Variants in MEF2A observed in about 807,000 individuals in gnomAD.
MEF2A encodes the protein myocyte-specific enhancer factor 2A.
Under a neutral mutation model 55.8 loss-of-function variants are expected in MEF2A, and 28 were observed. The observed-to-expected ratio is 0.50, with a 90% CI of 0.37 to 0.69. MEF2A has a LOEUF of 0.69. MEF2A is among the 30% of genes least tolerant of loss of function. The pLI is 0.00. For missense variants in MEF2A, 528 were observed against 626.2 expected, an observed-to-expected ratio of 0.84 and a Z score of 1.67; for synonymous variants, 239 against 227.1, an observed-to-expected ratio of 1.05 and a Z score of -0.47.
At chr15:99,707,011 A>G (rs2058112936) in intron 10 of MEF2A, among the ~76,000 whole-genome samples, 156 bp downstream of exon 10, 1 of 152,200 alleles carries the variant, frequency 6.6e-6, no homozygotes, top group South Asian at 2.1e-4. Flanking sequence ...GCTAGCCTTG[A>G]AAAAATTACA....
intron 4 of MEF2A, among the ~76,000 whole-genome samples, chr15:99,667,112 C>T (rs1433902664): frequency 1.3e-5 from 2 of 152,152 alleles, no homozygotes; most frequent in South Asian, 2.1e-4. Flanking sequence ...TAAGTTCTAT[C>T]GAGGGTTACT....
chr15:99,595,682 A>G (rs928003980), intron 1 of MEF2A, among the ~76,000 whole-genome samples: 3 of 152,248 alleles, frequency 2.0e-5, no homozygotes, highest in Non-Finnish European at 4.4e-5. Flanking sequence ...TACTTGTACA[A>G]CTAACTACAA....
chr15:99,667,360 A>G (rs1055892056), intron 4 of MEF2A, among the ~76,000 whole-genome samples: 1 of 152,226 alleles, frequency 6.6e-6, no homozygotes, highest in African/African-American at 2.4e-5. Context: ...AGCTGGGACT[A>G]CAGGTGCCCG....
intron 3 of MEF2A, 129 bp from the exon 4 acceptor site, chr15:99,645,432 G>A: frequency 1.5e-6 from 1 of 673,780 alleles, no homozygotes; most frequent in Non-Finnish European, 2.5e-6. Flanking sequence ...CTCATATGGA[G>A]GACAAAGCTG....
chr15:99,699,687 G>A (rs1295711647), intron 8 of MEF2A, among the ~76,000 whole-genome samples: 4 of 152,160 alleles, frequency 2.6e-5, no homozygotes, highest in African/African-American at 9.7e-5. Context: ...ACTTTTGACT[G>A]GATACTGTAA....
chr15:99,615,557 G>A (rs1457195517), intron 2 of MEF2A, among the ~76,000 whole-genome samples: 1 of 152,118 alleles, frequency 6.6e-6, no homozygotes, highest in Non-Finnish European at 1.5e-5. Context: ...TATTAGTCCA[G>A]TATTTTAAAG....
rs187753830 is a variant in MEF2A, at chr15:99,574,055, T to A, written c.-225+7951T>A. ...TTTAGGGTTGACAGATTTTTTTTTT[T>A]AAATTTATTTCGGAAAAAAATCAAA... On this transcript the variant is annotated intron_variant, in intron 1 of 11. Coordinates refer to ENST00000557942, the MANE Select transcript of MEF2A (RefSeq NM_001319206.4). Among the ~76,000 whole-genome samples the A allele has an allele frequency of 1.3e-3, 191 of 152,250 alleles. 1 individual carries two copies. In the East Asian group the frequency reaches 0.015, roughly 12 times the overall value.
At chr15:99,614,695 TTCC>T (rs1198850006) in intron 2 of MEF2A, among the ~76,000 whole-genome samples, 1 of 152,144 alleles carries the variant, frequency 6.6e-6, no homozygotes, top group African/African-American at 2.4e-5. Flanking sequence ...TAGGGAACAT[TTCC>T]TTGAGGAAAT....
At chr15:99,647,611 G>A (rs1210403117) in intron 4 of MEF2A, among the ~76,000 whole-genome samples, 2 of 152,162 alleles carry the variant, frequency 1.3e-5, no homozygotes, top group Non-Finnish European at 2.9e-5. Context: ...ACAGCAAAGT[G>A]TAAGAGAGCA....
intron 2 of MEF2A, among the ~76,000 whole-genome samples, chr15:99,607,627 T>C (rs1432565576): frequency 6.6e-6 from 1 of 152,222 alleles, no homozygotes; most frequent in Non-Finnish European, 1.5e-5. Context: ...TAGGCATAAG[T>C]ATCTGCATTT....
At chr15:99,616,605 T>C (rs556833187) in intron 2 of MEF2A, among the ~76,000 whole-genome samples, 2 of 152,238 alleles carry the variant, frequency 1.3e-5, no homozygotes, top group East Asian at 3.9e-4. Context: ...TCCTTTGGGA[T>C]CTGGTTTTTG....
At chr15:99,637,319 TA>T (rs2044058648) in intron 3 of MEF2A, among the ~76,000 whole-genome samples, 1 of 152,212 alleles carries the variant, frequency 6.6e-6, no homozygotes, top group Non-Finnish European at 1.5e-5. Flanking sequence ...AACATGTTTG[TA>T]TTTCATTTGG....
rs3138597 is a variant in MEF2A at position 99,712,504 on chromosome 15, CCAG to C, written c.1283_1285del (p.Gln428del). On this transcript the variant is annotated inframe_deletion, in exon 12 of 12. Coordinates refer to ENST00000557942, the MANE Select transcript of MEF2A (RefSeq NM_001319206.4). The surrounding 1 kb of genome is among the most constrained non-coding windows in gnomAD (Gnocchi z 4.1). Reference sequence around the variant, plus strand: ...GGGATCGTATGACCCCATCGGGCTTCCAGCAGCAGCAGCAGCAGCAGCAGCAGC... The same window carrying C: ...GGGATCGTATGACCCCATCGGGCTTCCAGCAGCAGCAGCAGCAGCAGCAGC... 0.14 allele frequency: 214,217 copies of C among 1,481,606 alleles called. 9,671 individuals are homozygous for C. Among genetic ancestry groups the C allele is most frequent in the East Asian group, 0.17 (6,541 of 38,546 alleles). 91.8% of individuals were successfully genotyped at this position (1,481,606 alleles called of 1,614,324 possible).
intron 8 of MEF2A, among the ~76,000 whole-genome samples, chr15:99,691,939 T>C (rs2055557036): frequency 6.6e-6 from 1 of 152,206 alleles, no homozygotes; most frequent in African/African-American, 2.4e-5. Context: ...GGAGAATCTA[T>C]TTATCGCCCT....
At chr15:99,657,149 T>C (rs1288483692) in intron 4 of MEF2A, among the ~76,000 whole-genome samples, 1 of 152,070 alleles carries the variant, frequency 6.6e-6, no homozygotes, top group Non-Finnish European at 1.5e-5. Context: ...TGTGACCAAA[T>C]AGTATTCCAT....
rs137987984 is a variant in MEF2A, at chr15:99,695,023, C to T, written c.858+4595C>T. On this transcript the variant is annotated intron_variant, in intron 8 of 11. Coordinates refer to ENST00000557942, the MANE Select transcript of MEF2A (RefSeq NM_001319206.4). The stretch of plus-strand genomic sequence containing the variant: ...GGGGAGCAGGCGCTTTTTTATTTTC[C>T]GGCACTATAATATATTCTAGGCTTA... Among the ~76,000 whole-genome samples the T allele has an allele frequency of 3.4e-3, 504 of 150,412 alleles. 15 individuals are homozygous for T. Among genetic ancestry groups the T allele is most frequent in the Admixed American group, 0.028 (424 of 15,116 alleles).
chr15:99,591,969 G>A (rs992191038), intron 1 of MEF2A, among the ~76,000 whole-genome samples: 3 of 152,102 alleles, frequency 2.0e-5, no homozygotes, highest in African/African-American at 4.8e-5. Context: ...CCCCCTGGTG[G>A]TGTGGGTCAC....
At chr15:99,694,612 TG>T (rs746171561) in intron 8 of MEF2A, among the ~76,000 whole-genome samples, 2 of 152,220 alleles carry the variant, frequency 1.3e-5, no homozygotes, top group Non-Finnish European at 2.9e-5. Context: ...ACCTGGCTGA[TG>T]TTTAACAGGT....
At chr15:99,598,088 A>G (rs1449787283) in intron 1 of MEF2A, among the ~76,000 whole-genome samples, 3 of 152,246 alleles carry the variant, frequency 2.0e-5, no homozygotes, top group East Asian at 3.8e-4. Flanking sequence ...TCAATAGGCT[A>G]TACGCACAGT....
Sources: gnomAD v4.1 joint callset for allele counts (sites outside exome capture counted in the v4.1 genomes callset) on GRCh38, gnomAD v4.1.1 for gene constraint, Gnocchi (gnomAD v3.1) non-coding constraint, MANE v1.5 for transcripts, NCBI Gene and HGNC (gene_info 2026-07-23, HGNC 2026-07-21) for gene names.